The following TNFSF13B variants were observed in gnomAD, a reference collection of about 807,000 sequenced individuals.
TNFSF13B encodes the protein tumor necrosis factor ligand superfamily member 13B.
A neutral mutation model predicts 29.1 loss-of-function variants in TNFSF13B; 8 were observed. The observed-to-expected ratio is 0.27, with a 90% CI of 0.16 to 0.50. The LOEUF is 0.50. Ranked by LOEUF, TNFSF13B falls within the 20% of genes least tolerant of loss-of-function variation. TNFSF13B has a pLI of 0.98. For synonymous variants in TNFSF13B, 125 were observed against 130.8 expected, an observed-to-expected ratio of 0.96 and a Z score of 0.30; for missense variants, 248 against 334.9, an observed-to-expected ratio of 0.74 and a Z score of 2.03.
intron 2 of TNFSF13B, among the ~76,000 whole-genome samples, chr13:108,279,578 G>A (rs1307940314): frequency 2.0e-5 from 3 of 152,150 alleles, no homozygotes; most frequent in African/African-American, 7.2e-5. Flanking sequence ...AATGTTGGCT[G>A]GGCCGGGGCA....
chr13:108,284,647 G>A (rs183758874), intron 2 of TNFSF13B, among the ~76,000 whole-genome samples: 35 of 152,200 alleles, frequency 2.3e-4, no homozygotes, highest in African/African-American at 8.4e-4. Context: ...TACAATATAC[G>A]TATAACAAAG....
chr13:108,280,975 G>A (rs1880935408), intron 2 of TNFSF13B, among the ~76,000 whole-genome samples: 1 of 152,244 alleles, frequency 6.6e-6, no homozygotes, highest in South Asian at 2.1e-4. Flanking sequence ...GGTAATTAGA[G>A]GTAGCTCACA....
At chr13:108,288,715 G>T (rs1881214293) in intron 3 of TNFSF13B, among the ~76,000 whole-genome samples, 1 of 152,164 alleles carries the variant, frequency 6.6e-6, no homozygotes, top group Non-Finnish European at 1.5e-5. Context: ...CAAACGAAAG[G>T]CCCAACAACC....
At chr13:108,293,568 TCTC>T (rs1881385142) in intron 3 of TNFSF13B, among the ~76,000 whole-genome samples, 1 of 152,170 alleles carries the variant, frequency 6.6e-6, no homozygotes, top group South Asian at 2.1e-4. Context: ...CAAGATATCT[TCTC>T]TTTTATTTAT....
intron 3 of TNFSF13B, among the ~76,000 whole-genome samples, chr13:108,291,291 T>A (rs1402353951): frequency 1.3e-5 from 2 of 151,876 alleles, no homozygotes; most frequent in African/African-American, 4.8e-5. Context: ...GTGCTATTTT[T>A]GTTGAATCTC....
intron 5 of TNFSF13B, among the ~76,000 whole-genome samples, chr13:108,304,026 T>A (rs1407441536): frequency 6.6e-6 from 1 of 152,208 alleles, no homozygotes; most frequent in Non-Finnish European, 1.5e-5. Flanking sequence ...TTATATATGC[T>A]TGCTTATTTA....
Position 108,306,735 on chromosome 13 carries a change from T to A in TNFSF13B, c.746-91T>A, listed in dbSNP as rs1566411018. 4 of 779,152 alleles carry A rather than the reference T, an allele frequency of 5.1e-6. No individual in the cohort carries two copies. In the African/African-American group the frequency reaches 5.4e-5, roughly 11 times the overall value. The allele number at this position is 779,152 out of a possible 1,614,324, so 48.3% of individuals were successfully genotyped here. On this transcript the variant is annotated intron_variant, in intron 5 of 5. Coordinates refer to ENST00000375887, the MANE Select transcript of TNFSF13B (RefSeq NM_006573.5). ...AAGTGTGAATGCCTATGTTAACATT[T>A]TTTTTTTACAGAACAAAATAGTTTT... is the stretch of plus-strand genomic sequence containing the variant.
rs767471118 is a variant in TNFSF13B, at chr13:108,297,734, C to T, written c.482-5519C>T. 1.5e-4 allele frequency among the ~76,000 whole-genome samples: 22 copies of T among 145,878 alleles called. 1 individual carries two copies. The highest frequency in any genetic ancestry group is 2.7e-4 in the Non-Finnish European group (18 of 65,566). On this transcript the variant is annotated intron_variant, in intron 3 of 5. Coordinates refer to ENST00000375887, the MANE Select transcript of TNFSF13B (RefSeq NM_006573.5). ...TATCTCATAGACCTCATATTCCCTA[C>T]GGATGCATATCCTCCCCCATTATCA...
intron 2 of TNFSF13B, among the ~76,000 whole-genome samples, chr13:108,270,893 A>G (rs993016602): frequency 3.9e-5 from 6 of 152,326 alleles, no homozygotes; most frequent in African/African-American, 1.4e-4. Context: ...TGAAGGTTGT[A>G]ATGAAAGGCC....
intron 3 of TNFSF13B, among the ~76,000 whole-genome samples, chr13:108,297,778 A>G (rs1366862389): frequency 6.9e-6 from 1 of 145,908 alleles, no homozygotes; most frequent in African/African-American, 2.6e-5. Context: ...CACCAGAGTG[A>G]TACATTTGTT....
chr13:108,295,723 T>C (rs1881444381), intron 3 of TNFSF13B, among the ~76,000 whole-genome samples: 3 of 145,708 alleles, frequency 2.1e-5, no homozygotes. Context: ...AATATTGCTA[T>C]GCTGTGTTTT....
Position 108,270,148 on chromosome 13 carries a change from G to T in TNFSF13B, c.253G>T (p.Gly85Cys). The stretch of plus-strand genomic sequence containing the variant: ...GGCCAGCCTCCGGGCAGAGCTGCAG[G>T]GCCACCACGCGGAGAAGCTGCCAGC... ...DLASLRAELQGHHAEKLPAGA... is the reference protein window; with the variant it reads ...DLASLRAELQCHHAEKLPAGA... The change falls in exon 1 of 6, where the codon GGC (glycine) becomes TGC (cysteine). Residue 85 changes from glycine to cysteine, a missense_variant. Coordinates refer to ENST00000375887, the MANE Select transcript of TNFSF13B (RefSeq NM_006573.5). 1 of 1,602,084 alleles carries T rather than the reference G, an allele frequency of 6.2e-7. No homozygotes were observed. The highest frequency in any genetic ancestry group is 1.3e-5 in the African/African-American group (1 of 75,016).
In TNFSF13B at chr13:108,270,592, G is replaced by GT. The variant is rs370933521; in HGVS notation, c.424+169dup. On this transcript the variant is annotated intron_variant, in intron 2 of 5. Transcript: ENST00000375887. ...GAGCAAAGCCCCAGCGCTGGCAAAT[G>GT]TAACAGGCTGCATGGGTGTGCTTTT... is the stretch of plus-strand genomic sequence containing the variant. Among the ~76,000 whole-genome samples, 9 of 152,294 alleles carry GT rather than the reference G, an allele frequency of 5.9e-5. 1 individual carries two copies. Among genetic ancestry groups the GT allele is most frequent in the South Asian group, 2.1e-4 (1 of 4,832 alleles).
intron 2 of TNFSF13B, among the ~76,000 whole-genome samples, chr13:108,271,633 A>C (rs1032359704): frequency 1.3e-5 from 2 of 152,158 alleles, no homozygotes; most frequent in Non-Finnish European, 2.9e-5. Flanking sequence ...GGGCTTAAAC[A>C]TTTTTAAATT....
At chr13:108,304,738 A>AACTAAGG (rs1881723023) in intron 5 of TNFSF13B, among the ~76,000 whole-genome samples, 1 of 152,188 alleles carries the variant, frequency 6.6e-6, no homozygotes, top group Non-Finnish European at 1.5e-5. Context: ...GGCATTTACA[A>AACTAAGG]ACAAATGCCC....
At chr13:108,302,740 G>A (rs572450383) in intron 3 of TNFSF13B, 5 of 817,780 alleles carry the variant, frequency 6.1e-6, no homozygotes, top group South Asian at 5.6e-5. Context: ...TCTTAGTAAA[G>A]GTTGTGTCTT....
intron 2 of TNFSF13B, 128 bp from the exon 3 acceptor site, chr13:108,286,675 G>A (rs1247492961): frequency 1.0e-4 from 48 of 470,880 alleles, no homozygotes; most frequent in Admixed American, 9.7e-5. Flanking sequence ...TAAGAATAAT[G>A]TCATGCAATC....
At chr13:108,306,734 T>G (rs994686321) in intron 5 of TNFSF13B, 92 bp from the exon 6 acceptor site, 3 of 774,824 alleles carry the variant, frequency 3.9e-6, no homozygotes, top group Non-Finnish European at 6.2e-6. Context: ...ATGTTAACAT[T>G]TTTTTTTTAC....
chr13:108,294,115 G>C (rs1244819452), intron 3 of TNFSF13B, among the ~76,000 whole-genome samples: 2 of 151,084 alleles, frequency 1.3e-5, no homozygotes, highest in Non-Finnish European at 2.9e-5. Context: ...TTTGAGTGTT[G>C]ATCTTGTACC....
Sources: gnomAD v4.1 joint callset for allele counts (sites outside exome capture counted in the v4.1 genomes callset) on GRCh38, gnomAD v4.1.1 for gene constraint, MANE v1.5 for transcripts, NCBI Gene and HGNC (gene_info 2026-07-23, HGNC 2026-07-21) for gene names.